SHISA9: variants seen among roughly 807,000 people sequenced by gnomAD.
SHISA9 encodes the protein protein shisa-9.
Under a neutral mutation model 38.0 loss-of-function variants are expected in SHISA9, and 13 were observed. The observed-to-expected ratio is 0.34, with a 90% CI of 0.22 to 0.54. The LOEUF (loss-of-function observed/expected upper bound fraction) is 0.54. SHISA9 is among the 20% of genes least tolerant of loss of function. SHISA9 has a pLI of 0.91. For missense variants in SHISA9, 538 were observed against 575.8 expected, an observed-to-expected ratio of 0.93 and a Z score of 0.67; for synonymous variants, 275 against 242.0, an observed-to-expected ratio of 1.14 and a Z score of -1.27.
chr16:13,249,585 A>C, the SHISA9 span, among the ~76,000 whole-genome samples: 3 of 152,174 alleles, frequency 2.0e-5, no homozygotes, highest in African/African-American at 7.2e-5. Context: ...GGGGAGGCAG[A>C]CACATAAATT....
At chr16:13,180,528 T>C (rs1165039023) in intron 2 of SHISA9, among the ~76,000 whole-genome samples, 1 of 152,138 alleles carries the variant, frequency 6.6e-6, no homozygotes, top group African/African-American at 2.4e-5. Flanking sequence ...TGAGACCTTG[T>C]GTCTATAAAA....
At chr16:13,160,114 T>G (rs980116622) in intron 2 of SHISA9, among the ~76,000 whole-genome samples, 1 of 152,186 alleles carries the variant, frequency 6.6e-6, no homozygotes, top group Non-Finnish European at 1.5e-5. Flanking sequence ...ATGAGGTGCC[T>G]TCTAAGAAAG....
intron 2 of SHISA9, among the ~76,000 whole-genome samples, chr16:13,117,234 C>G (rs1298860193): frequency 6.6e-6 from 1 of 152,182 alleles, no homozygotes; most frequent in African/African-American, 2.4e-5. Context: ...CTCGGCTTCC[C>G]AAACTGCTGG....
At chr16:12,920,852 C>G (rs545543159) in intron 2 of SHISA9, among the ~76,000 whole-genome samples, 3 of 152,284 alleles carry the variant, frequency 2.0e-5, no homozygotes, top group South Asian at 4.1e-4. Context: ...AGAGTCCCAT[C>G]CAGGATACCA....
intron 2 of SHISA9, among the ~76,000 whole-genome samples, chr16:13,006,863 A>G (rs2072604608): frequency 6.6e-6 from 1 of 151,924 alleles, no homozygotes; most frequent in African/African-American, 2.4e-5. Context: ...TTCATGCTCT[A>G]CTTTCTGTGC....
chr16:13,432,294 C>T, the SHISA9 span, among the ~76,000 whole-genome samples: 2 of 152,088 alleles, frequency 1.3e-5, no homozygotes. Context: ...GATGCCTGTT[C>T]CCCAGGAACA....
At chr16:12,954,782 C>G (rs2071806379) in intron 2 of SHISA9, among the ~76,000 whole-genome samples, 3 of 152,108 alleles carry the variant, frequency 2.0e-5, no homozygotes. Context: ...AGCCATTAAC[C>G]AGTGAAACGG....
intron 1 of SHISA9, chr16:12,910,585 T>G: frequency 1.0e-6 from 1 of 985,426 alleles, no homozygotes; most frequent in African/African-American, 1.7e-5. Flanking sequence ...TTTTCAATAT[T>G]CAGTCATTTC....
chr16:13,458,837 G>A, the SHISA9 span: 2 of 177,892 alleles, frequency 1.1e-5, no homozygotes. Flanking sequence ...AAATTCTCGG[G>A]TTTTTTTGTT....
chr16:12,958,537 A>T (rs1484581075), intron 2 of SHISA9, among the ~76,000 whole-genome samples: 1 of 152,182 alleles, frequency 6.6e-6, no homozygotes, highest in Non-Finnish European at 1.5e-5. Flanking sequence ...TTCATAATAG[A>T]TGGCCTGGTG....
At chr16:13,147,326 T>C (rs1251426281) in intron 2 of SHISA9, among the ~76,000 whole-genome samples, 1 of 152,020 alleles carries the variant, frequency 6.6e-6, no homozygotes, top group African/African-American at 2.4e-5. Flanking sequence ...AAGACAAGAT[T>C]CTACAACCAA....
At chr16:12,943,323 GT>G (rs2071643627) in intron 2 of SHISA9, among the ~76,000 whole-genome samples, 1 of 23,784 alleles carries the variant, frequency 4.2e-5, no homozygotes, top group African/African-American at 1.5e-4. Context: ...GTGTGTGTGT[GT>G]GTGTGTGAGA....
chr16:13,118,805 C>G (rs192424302), intron 2 of SHISA9, among the ~76,000 whole-genome samples: 363 of 144,498 alleles, frequency 2.5e-3, no homozygotes, highest in Non-Finnish European at 4.2e-3. Flanking sequence ...TCTCAGCTTA[C>G]TGCAACCTCC....
chr16:13,314,559 C>T, the SHISA9 span, among the ~76,000 whole-genome samples: 1 of 151,786 alleles, frequency 6.6e-6, no homozygotes, highest in Non-Finnish European at 1.5e-5. Flanking sequence ...TTATTTTTAA[C>T]AGCTTTAGTG....
chr16:12,914,751 G>C (rs12325158), intron 1 of SHISA9, among the ~76,000 whole-genome samples: 7,695 of 152,266 alleles, frequency 0.051, 664 homozygotes, highest in African/African-American at 0.18. Context: ...CTTGGGGCCT[G>C]TGTGGCCTTA....
chr16:13,321,316 G>A, the SHISA9 span, among the ~76,000 whole-genome samples: 1 of 152,172 alleles, frequency 6.6e-6, no homozygotes, highest in African/African-American at 2.4e-5. Flanking sequence ...AGAACACAGA[G>A]CCGGTGACAA....
rs1460175798 is a variant in SHISA9 at position 12,902,445 on chromosome 16, C to G, written c.381C>G (p.Leu127=). ...CCTGCACCAACTACGACACGCCGCT[C>G]TGGCTCAACACCGGCAAGCCCCCCG... ...QSTCTNYDTP[L]WLNTGKPPAR... is the part of the protein sequence containing the mutation. The change falls in exon 1 of 5, where the codon CTC becomes CTG. Residue 127 remains leucine (L), a synonymous_variant. Transcript: ENST00000558583. 1 of 1,551,440 alleles carries G rather than the reference C, an allele frequency of 6.4e-7. No homozygotes were observed. Among genetic ancestry groups the G allele is most frequent in the Non-Finnish European group, 8.7e-7 (1 of 1,146,994 alleles).
chr16:12,998,468 A>G (rs2072486074), intron 2 of SHISA9, among the ~76,000 whole-genome samples: 1 of 152,188 alleles, frequency 6.6e-6, no homozygotes, highest in Admixed American at 6.5e-5. Context: ...CTTTAAGTTC[A>G]TGGTACTGCT....
At chr16:13,126,751 A>AAG (rs568616497) in intron 2 of SHISA9, among the ~76,000 whole-genome samples, 2 of 131,780 alleles carry the variant, frequency 1.5e-5, no homozygotes, top group East Asian at 5.3e-4. Flanking sequence ...CTGAGGGAAG[A>AAG]AGAGAGAGAG....
Sources: allele counts gnomAD v4.1 joint callset (sites outside exome capture counted in the v4.1 genomes callset), GRCh38; gene constraint gnomAD v4.1.1; transcripts MANE v1.5; gene names NCBI Gene and HGNC (gene_info 2026-07-23, HGNC 2026-07-21).